Variants in ARHGAP42 observed in about 807,000 individuals in gnomAD.
ARHGAP42 encodes Rho GTPase activating protein 42, also known as rho GTPase-activating protein 42.
A neutral mutation model predicts 125.0 loss-of-function variants in ARHGAP42; 63 were observed. That is an observed-to-expected ratio of 0.50 (90% confidence interval 0.41 to 0.62). ARHGAP42 has a LOEUF of 0.62. Among genes scored for constraint, ARHGAP42 ranks in the 20% least tolerant of loss-of-function variants. The pLI is 0.00. For synonymous variants in ARHGAP42, 339 were observed against 351.0 expected, an observed-to-expected ratio of 0.97 and a Z score of 0.38; for missense variants, 766 against 1,024.2, an observed-to-expected ratio of 0.75 and a Z score of 3.44.
chr11:100,980,369 A>G (rs1858501343), intron 22 of ARHGAP42, among the ~76,000 whole-genome samples: 1 of 152,014 alleles, frequency 6.6e-6, no homozygotes, highest in Non-Finnish European at 1.5e-5. Context: ...TGCTCACTAG[A>G]TGGAGCCCTT....
intron 1 of ARHGAP42, among the ~76,000 whole-genome samples, chr11:100,688,451 A>C (rs1211294876): frequency 6.6e-6 from 1 of 152,170 alleles, no homozygotes; most frequent in Non-Finnish European, 1.5e-5. Context: ...CATTGGGATG[A>C]AAGTTAAGGG....
chr11:100,942,618 G>A (rs1026672376), intron 9 of ARHGAP42, among the ~76,000 whole-genome samples: 5 of 152,092 alleles, frequency 3.3e-5, no homozygotes, highest in Admixed American at 6.6e-5. Flanking sequence ...TAACAGATTA[G>A]GAAATAAAGT....
chr11:100,966,398 G>A (rs1424932017), intron 17 of ARHGAP42, among the ~76,000 whole-genome samples: 1 of 152,152 alleles, frequency 6.6e-6, no homozygotes, highest in Non-Finnish European at 1.5e-5. Flanking sequence ...ACTTGATTAT[G>A]GAAGCTAATA....
intron 22 of ARHGAP42, among the ~76,000 whole-genome samples, chr11:100,984,115 TAA>T (rs61246568): frequency 1.5e-4 from 19 of 123,732 alleles, no homozygotes; most frequent in Admixed American, 2.5e-4. Flanking sequence ...AGACCCTGTC[TAA>T]AAAAAAAAAA....
At chr11:100,807,622 G>A (rs1864029275) in intron 3 of ARHGAP42, among the ~76,000 whole-genome samples, 1 of 152,210 alleles carries the variant, frequency 6.6e-6, no homozygotes, top group Non-Finnish European at 1.5e-5. Context: ...AGTTCCAGGA[G>A]TTGGGGCTTG....
chr11:100,963,913 A>G (rs542527455), intron 16 of ARHGAP42, among the ~76,000 whole-genome samples: 4 of 152,178 alleles, frequency 2.6e-5, no homozygotes, highest in Non-Finnish European at 5.9e-5. Context: ...CTTGGCTAAA[A>G]TGGCTCAATG....
At chr11:100,848,167 C>T (rs1391285919) in intron 3 of ARHGAP42, among the ~76,000 whole-genome samples, 1 of 152,076 alleles carries the variant, frequency 6.6e-6, no homozygotes, top group Non-Finnish European at 1.5e-5. Flanking sequence ...TGTTAGTATG[C>T]AAAGCTATTT....
intron 17 of ARHGAP42, 110 bp from the exon 18 acceptor site, chr11:100,973,065 C>A (rs1197279919): frequency 2.0e-6 from 2 of 979,110 alleles, no homozygotes; most frequent in Non-Finnish European, 2.9e-6. Flanking sequence ...AGGACAATTT[C>A]CCTATAATGG....
intron 2 of ARHGAP42, among the ~76,000 whole-genome samples, chr11:100,788,074 T>G (rs1217528990): frequency 6.6e-6 from 1 of 152,194 alleles, no homozygotes; most frequent in African/African-American, 2.4e-5. Flanking sequence ...TCCTAATACT[T>G]AATTAGGAAC....
chr11:100,941,674 A>G, intron 8 of ARHGAP42, 110 bp from the exon 9 acceptor site: 1 of 584,722 alleles, frequency 1.7e-6, no homozygotes, highest in South Asian at 2.7e-5. Flanking sequence ...ACAAACTAGC[A>G]TGGTATAGGA....
chr11:100,843,778 A>T (rs982281423), intron 3 of ARHGAP42, among the ~76,000 whole-genome samples: 14 of 152,088 alleles, frequency 9.2e-5, no homozygotes, highest in African/African-American at 1.4e-4. Flanking sequence ...AACTGCAAAA[A>T]CTGCTGAAAG....
chr11:100,761,537 G>A (rs1178016236), intron 1 of ARHGAP42, among the ~76,000 whole-genome samples: 3 of 152,154 alleles, frequency 2.0e-5, no homozygotes, highest in Non-Finnish European at 2.9e-5. Flanking sequence ...TATGGAATTT[G>A]TAGGTTTATA....
At chr11:100,779,471 T>A (rs866828833) in intron 2 of ARHGAP42, among the ~76,000 whole-genome samples, 71 of 75,158 alleles carry the variant, frequency 9.4e-4, no homozygotes, top group African/African-American at 2.8e-3. Context: ...AAAAAAAATA[T>A]ATATATATAT....
At position 100,992,537 on chromosome 11, in the gene ARHGAP42, T is replaced by A; in HGVS notation, c.*3736T>A. ...TTTTCTGAACATTCTGTGTCCTGCC[T>A]GTCTCCTGTTGATTCGCAGATGTAA... On this transcript the variant is annotated 3_prime_UTR_variant, in exon 24 of 24. Transcript: ENST00000298815. 6.2e-7 allele frequency: 1 copy of A among 1,614,114 alleles called. No homozygotes were observed. Among genetic ancestry groups the A allele is most frequent in the Non-Finnish European group, 8.5e-7 (1 of 1,179,976 alleles).
chr11:100,822,170 AT>A (rs1864419373), intron 3 of ARHGAP42, among the ~76,000 whole-genome samples: 1 of 152,168 alleles, frequency 6.6e-6, no homozygotes, highest in African/African-American at 2.4e-5. Context: ...AAATACAAAT[AT>A]TTTTAATATT....
At chr11:100,863,708 A>G (rs760578279) in intron 4 of ARHGAP42, among the ~76,000 whole-genome samples, 15 of 152,210 alleles carry the variant, frequency 9.9e-5, no homozygotes, top group Non-Finnish European at 1.8e-4. Context: ...ACAGTTGTCA[A>G]GGAAGTATTT....
In ARHGAP42 at chr11:100,884,051, G is replaced by T. The variant is rs573313531; in HGVS notation, c.384+24426G>T. On this transcript the variant is annotated intron_variant, in intron 4 of 23. Transcript: ENST00000298815. ...GCTACCTTAGGCATAATTAGAATAA[G>T]ACCGCACACAGTGGATTTTCCCCCA... Among the ~76,000 whole-genome samples the T allele has an allele frequency of 2.0e-3, 302 of 152,288 alleles. 2 individuals are homozygous for T. Among genetic ancestry groups the T allele is most frequent in the Non-Finnish European group, 1.3e-3 (87 of 68,032 alleles).
chr11:100,819,490 T>C (rs1259882997), intron 3 of ARHGAP42, among the ~76,000 whole-genome samples: 1 of 152,104 alleles, frequency 6.6e-6, no homozygotes, highest in Non-Finnish European at 1.5e-5. Flanking sequence ...GGATTGCAGA[T>C]AGTAGGAAAT....
intron 8 of ARHGAP42, 146 bp from the exon 9 acceptor site, chr11:100,941,638 G>A: frequency 1.9e-6 from 1 of 521,120 alleles, no homozygotes; most frequent in Non-Finnish European, 3.4e-6. Flanking sequence ...CTGTCCCTCT[G>A]TTCTTTCTCA....
Sources: gnomAD v4.1 joint callset for allele counts (sites outside exome capture counted in the v4.1 genomes callset) on GRCh38, gnomAD v4.1.1 for gene constraint, MANE v1.5 for transcripts, NCBI Gene and HGNC (gene_info 2026-07-23, HGNC 2026-07-21) for gene names.